Variants in NBEA observed in about 807,000 individuals in gnomAD.
NBEA encodes lysosomal-trafficking regulator 2.
In NBEA, 44 loss-of-function variants were observed where a neutral mutation model predicts 343.4. The ratio of observed to expected loss-of-function variants is 0.13; its 90% confidence interval spans 0.10 to 0.16. NBEA has a LOEUF of 0.16. NBEA is among the 10% of genes least tolerant of loss of function. The probability of loss-of-function intolerance (pLI) is 1.00; values close to 1 mark genes in which losing one functional copy is unlikely to be tolerated. For missense variants in NBEA, 2,555 were observed against 3,631.3 expected (o/e 0.70, Z 7.62); for synonymous variants, 1,175 against 1,238.7 (o/e 0.95, Z 1.08).
At chr13:35,393,150 A>G (rs2042585501) in intron 38 of NBEA, among the ~76,000 whole-genome samples, 1 of 152,170 alleles carries the variant, frequency 6.6e-6, no homozygotes, top group Admixed American at 6.6e-5. Flanking sequence ...CCTAAAGTGA[A>G]AGATAGCAAT....
At chr13:35,032,495 GT>G (rs939902248) in intron 1 of NBEA, among the ~76,000 whole-genome samples, 1 of 151,260 alleles carries the variant, frequency 6.6e-6, no homozygotes, top group Non-Finnish European at 1.5e-5. Context: ...TTTTAGTGGG[GT>G]TTTTTTTCTC....
chr13:35,328,531 G>A (rs535199414), intron 36 of NBEA, among the ~76,000 whole-genome samples: 1 of 152,020 alleles, frequency 6.6e-6, no homozygotes, highest in African/African-American at 2.4e-5. Flanking sequence ...AAGGATAAAT[G>A]CTGGAGGGGA....
At chr13:35,007,104 A>G (rs139947903) in intron 1 of NBEA, among the ~76,000 whole-genome samples, 19 of 152,132 alleles carry the variant, frequency 1.2e-4, no homozygotes, top group African/African-American at 4.3e-4. Flanking sequence ...TACTAGTGAA[A>G]TGGATGATAG....
chr13:35,610,603 A>G (rs945616577), intron 48 of NBEA, among the ~76,000 whole-genome samples: 4 of 152,190 alleles, frequency 2.6e-5, no homozygotes, highest in South Asian at 2.1e-4. Flanking sequence ...TCAAACATCT[A>G]AAAGAAACAT....
At chr13:35,645,510 T>C (rs1401041281) in intron 49 of NBEA, among the ~76,000 whole-genome samples, 3 of 152,184 alleles carry the variant, frequency 2.0e-5, no homozygotes, top group Non-Finnish European at 2.9e-5. Context: ...ATTATTTCTA[T>C]TCCTTGGAGG....
At chr13:34,998,538 G>T (rs928624150) in intron 1 of NBEA, among the ~76,000 whole-genome samples, 1 of 152,020 alleles carries the variant, frequency 6.6e-6, no homozygotes, top group South Asian at 2.1e-4. Context: ...CCATTTTAGA[G>T]GCCTCCCCTC....
chr13:34,991,376 C>A (rs1386749870), intron 1 of NBEA, among the ~76,000 whole-genome samples: 1 of 152,122 alleles, frequency 6.6e-6, no homozygotes, highest in Non-Finnish European at 1.5e-5. Flanking sequence ...CTGGAGAGGC[C>A]TCAGGAAACT....
intron 8 of NBEA, among the ~76,000 whole-genome samples, chr13:35,059,944 C>G (rs1008215699): frequency 9.9e-5 from 15 of 151,784 alleles, no homozygotes; most frequent in African/African-American, 3.4e-4. Context: ...CTTACTAGCT[C>G]TAGAAATGAA....
At position 35,432,251 on chromosome 13, in the gene NBEA, T is replaced by A; in HGVS notation, c.6180-18T>A. 6.3e-7 allele frequency: 1 copy of A among 1,580,348 alleles called. No individual in the cohort carries two copies. Among genetic ancestry groups the A allele is most frequent in the Non-Finnish European group, 8.6e-7 (1 of 1,161,404 alleles). ...CATTGTTATTAATAGGGATTACTTT[T>A]TTTCCCTCTACTCTTAGCCAATTGC... On this transcript the variant is annotated intron_variant, in intron 38 of 58. Coordinates refer to ENST00000379939, the MANE Select transcript of NBEA (RefSeq NM_001385012.1).
chr13:35,248,354 A>T (rs1445863147), intron 34 of NBEA, among the ~76,000 whole-genome samples: 1 of 152,240 alleles, frequency 6.6e-6, no homozygotes, highest in Non-Finnish European at 1.5e-5. Context: ...AAAGAATTAC[A>T]TAGATCATCT....
chr13:35,130,195 C>T (rs1266563734), intron 17 of NBEA, among the ~76,000 whole-genome samples: 1 of 152,048 alleles, frequency 6.6e-6, no homozygotes, highest in Non-Finnish European at 1.5e-5. Flanking sequence ...ACATTCTGCT[C>T]AATTTTACTG....
chr13:35,308,602 A>ATATATGTG (rs2037143267), intron 35 of NBEA, among the ~76,000 whole-genome samples: 2 of 136,094 alleles, frequency 1.5e-5, no homozygotes, highest in South Asian at 4.5e-4. Flanking sequence ...GTATATATGT[A>ATATATGTG]TATATGTATA....
chr13:35,035,285 A>C (rs765282193), intron 1 of NBEA, among the ~76,000 whole-genome samples: 2 of 152,004 alleles, frequency 1.3e-5, no homozygotes, highest in Non-Finnish European at 2.9e-5. Flanking sequence ...CTTGTCATTC[A>C]GGAGCATATT....
intron 41 of NBEA, among the ~76,000 whole-genome samples, chr13:35,548,995 G>A (rs900539762): frequency 3.9e-5 from 6 of 152,114 alleles, no homozygotes; most frequent in African/African-American, 1.4e-4. Flanking sequence ...CCATTTCCAG[G>A]TATCATTATC....
chr13:35,294,420 A>G (rs1483698949), intron 35 of NBEA, among the ~76,000 whole-genome samples: 1 of 152,126 alleles, frequency 6.6e-6, no homozygotes, highest in African/African-American at 2.4e-5. Context: ...TATTCATTGT[A>G]AGTACTCAGT....
chr13:35,501,570 G>A (rs150107236), intron 41 of NBEA, among the ~76,000 whole-genome samples: 7 of 152,222 alleles, frequency 4.6e-5, no homozygotes, highest in Middle Eastern at 3.4e-3. Flanking sequence ...TAGTAATCAG[G>A]CTTGATTATA....
chr13:35,635,935 T>G (rs2083673996), intron 49 of NBEA, among the ~76,000 whole-genome samples: 1 of 152,232 alleles, frequency 6.6e-6, no homozygotes, highest in Non-Finnish European at 1.5e-5. Context: ...GACTTGTGCT[T>G]CTTTCTTCGC....
chr13:35,586,830 T>G (rs1593296973), intron 46 of NBEA, among the ~76,000 whole-genome samples: 1 of 152,170 alleles, frequency 6.6e-6, no homozygotes, highest in East Asian at 1.9e-4. Context: ...GCAAATGCTT[T>G]TCAAATTCCA....
At chr13:35,636,751 A>C (rs761753747) in intron 49 of NBEA, among the ~76,000 whole-genome samples, 3 of 152,182 alleles carry the variant, frequency 2.0e-5, no homozygotes, top group Non-Finnish European at 4.4e-5. Context: ...GGATTTGTGG[A>C]TTGAGTCCTC....
Sources: allele counts gnomAD v4.1 joint callset (sites outside exome capture counted in the v4.1 genomes callset), GRCh38; gene constraint gnomAD v4.1.1; transcripts MANE v1.5; gene names NCBI Gene and HGNC (gene_info 2026-07-23, HGNC 2026-07-21).